WDR59: variants seen among roughly 807,000 people sequenced by gnomAD.
The protein encoded by WDR59 is WD repeat domain 59, also known as GATOR2 complex protein WDR59.
WDR59 carries 100 observed loss-of-function variants against 131.2 expected under a neutral mutation model. The observed-to-expected ratio is 0.76, with a 90% confidence interval of 0.65 to 0.90. The LOEUF is 0.90. WDR59 is among the 40% of genes least tolerant of loss of function. WDR59 has a pLI of 0.00. For synonymous variants in WDR59, 601 were observed against 466.2 expected (o/e 1.29, Z -3.72); for missense variants, 1,203 against 1,262.2 (o/e 0.95, Z 0.71).
intron 11 of WDR59, among the ~76,000 whole-genome samples, chr16:74,917,536 A>C (rs560515722): frequency 6.6e-6 from 1 of 152,182 alleles, no homozygotes; most frequent in African/African-American, 2.4e-5. Context: ...CTGCCGGGGA[A>C]GGTGGCTCAC....
intron 25 of WDR59, among the ~76,000 whole-genome samples, chr16:74,874,645 G>A (rs897770815): frequency 3.3e-5 from 5 of 151,872 alleles, no homozygotes; most frequent in Admixed American, 2.6e-4. Flanking sequence ...ACCCAGGCTC[G>A]AGTGCAATGG....
intron 1 of WDR59, among the ~76,000 whole-genome samples, chr16:74,976,440 CTTTTTTT>C (rs763009590): frequency 7.3e-6 from 1 of 137,450 alleles, no homozygotes; most frequent in East Asian, 2.1e-4. Flanking sequence ...TTTTTCTTTT[CTTTTTTT>C]TTTTTTTTCT....
In WDR59 at chr16:74,977,761, G is replaced by T. The variant is rs369543408; in HGVS notation, c.54+7203C>A. On this transcript the variant is annotated intron_variant, in intron 1 of 25. Coordinates refer to ENST00000262144, the MANE Select transcript of WDR59 (RefSeq NM_030581.4). ...TATCTACTTATAGCAGCTTTCTTCA[G>T]TCACTAAAAACTGGAAAAAAACTAA... Among the ~76,000 whole-genome samples, 23 of 152,294 alleles carry T rather than the reference G, an allele frequency of 1.5e-4. 3 individuals carry two copies. Among genetic ancestry groups the T allele is most frequent in the South Asian group, 1.0e-3 (5 of 4,830 alleles).
Position 74,965,840 on chromosome 16 carries a change from G to A in WDR59, c.55-18C>T. The A allele has an allele frequency of 6.2e-7, 1 of 1,614,040 alleles. No homozygotes were observed. The highest frequency in any genetic ancestry group is 8.5e-7 in the Non-Finnish European group (1 of 1,180,010). ...GCAGTTGCCTGAGAGAGAGAACACA[G>A]AGTCAGTGCTGCCAGCAAACCCAGC... On this transcript the variant is annotated intron_variant, in intron 1 of 25. Transcript: ENST00000262144.
chr16:74,908,457 C>T (rs981970226), intron 17 of WDR59, among the ~76,000 whole-genome samples: 2 of 152,180 alleles, frequency 1.3e-5, no homozygotes, highest in Admixed American at 6.5e-5. Flanking sequence ...TTTGTGTTTT[C>T]ACAATGTACT....
rs1964865155 is a variant in WDR59, at chr16:74,888,223, G to A, written c.2292C>T (p.Pro764=). 3.1e-6 allele frequency: 5 copies of A among 1,613,986 alleles called. No individual in the cohort carries two copies. The African/African-American group carries it at 4.0e-5, about 13-fold the overall frequency. ...AQSRPQGLPN[P]FGPFPNRSSN... Reference sequence around the variant, plus strand: ...AAGAACGGTTAGGAAAAGGCCCAAAGGGGTTTGGTAGCCCCTGAGGCCGAG... The same window carrying A: ...AAGAACGGTTAGGAAAAGGCCCAAAAGGGTTTGGTAGCCCCTGAGGCCGAG... Residue 764 remains proline, a synonymous_variant, in exon 22 of 26, where the codon CCC becomes CCT. Transcript: ENST00000262144.
chr16:74,919,036 GC>G (rs1388666290), intron 10 of WDR59, among the ~76,000 whole-genome samples: 5 of 152,032 alleles, frequency 3.3e-5, no homozygotes, highest in Non-Finnish European at 7.4e-5. Context: ...TTCTCTTCCT[GC>G]CCCTGACTTT....
rs552543659 is a variant in WDR59 at position 74,968,652 on chromosome 16, T to C, written c.55-2830A>G. ...AGGAGGATCGCTTGAACCCAGGAAG[T>C]GGAGGCTGCATGCAGTAAGCTGAGA... On this transcript the variant is annotated intron_variant, in intron 1 of 25. Coordinates refer to ENST00000262144, the MANE Select transcript of WDR59 (RefSeq NM_030581.4). 1.1e-4 allele frequency among the ~76,000 whole-genome samples: 17 copies of C among 152,030 alleles called. No individual in the cohort carries two copies. The South Asian group carries it at 2.3e-3, about 20-fold the overall frequency.
chr16:74,982,746 C>T (rs2034478130), intron 1 of WDR59, among the ~76,000 whole-genome samples: 1 of 152,166 alleles, frequency 6.6e-6, no homozygotes, highest in African/African-American at 2.4e-5. Flanking sequence ...GCTGACAGTA[C>T]TTGGGGGTCC....
At chr16:74,940,768 C>T (rs915603287) in intron 7 of WDR59, among the ~76,000 whole-genome samples, 4 of 151,984 alleles carry the variant, frequency 2.6e-5, no homozygotes, top group Admixed American at 6.5e-5. Context: ...TGCAGTGGCG[C>T]GATCTCGGCT....
At chr16:74,968,021 A>G (rs1018704279) in intron 1 of WDR59, among the ~76,000 whole-genome samples, 4 of 152,326 alleles carry the variant, frequency 2.6e-5, no homozygotes, top group African/African-American at 9.6e-5. Flanking sequence ...GCTCGGAAAC[A>G]TGCTAAGTAG....
chr16:74,951,576 T>G, intron 3 of WDR59, 33 bp from the exon 4 acceptor site: 1 of 1,543,528 alleles, frequency 6.5e-7, no homozygotes, highest in Non-Finnish European at 8.8e-7. Flanking sequence ...CACAGGCAAG[T>G]ATGTTGGGAT....
rs559834095 is a variant in WDR59 at position 74,955,959 on chromosome 16, G to A, written c.240+516C>T. Among the ~76,000 whole-genome samples the A allele has an allele frequency of 6.3e-3, 944 of 149,214 alleles. 8 individuals carry two copies. The highest frequency in any genetic ancestry group is 0.022 in the African/African-American group (904 of 40,758). On this transcript the variant is annotated intron_variant, in intron 3 of 25. Coordinates refer to ENST00000262144, the MANE Select transcript of WDR59 (RefSeq NM_030581.4). Reference sequence around the variant, plus strand: ...AAAACTTATACATGTTTTCCCTAGGGAAAAAAAAAATCACACATAAACAGG... The same window carrying A: ...AAAACTTATACATGTTTTCCCTAGGAAAAAAAAAAATCACACATAAACAGG...
intron 17 of WDR59, 42 bp downstream of exon 17, chr16:74,908,866 G>C: frequency 1.3e-6 from 2 of 1,587,422 alleles, no homozygotes; most frequent in Non-Finnish European, 8.6e-7. Flanking sequence ...GCCACTTCTG[G>C]CCCCGGGAAC....
rs367608941 is a variant in WDR59 at position 74,912,195 on chromosome 16, C to G, written c.1389+3G>C. 8 of 1,614,058 alleles carry G rather than the reference C, an allele frequency of 5.0e-6. No homozygotes were observed. The African/African-American group carries it at 1.1e-4, about 22-fold the overall frequency. On this transcript the variant is annotated splice_donor_region_variant and intron_variant, in intron 14 of 25. Coordinates refer to ENST00000262144, the MANE Select transcript of WDR59 (RefSeq NM_030581.4). ...AGGAGAATTTGGGAACCCAGACCCC[C>G]ACCTTCAGCAGCTTAGCTTTCATGG...
rs1251013963 is a variant in WDR59, at chr16:74,916,272, G to T, written c.967-13C>A. The T allele has an allele frequency of 1.2e-6, 2 of 1,613,572 alleles. No homozygotes were observed. Among genetic ancestry groups the T allele is most frequent in the Admixed American group, 3.3e-5 (2 of 60,012 alleles). ...CATTTGCACAAAGCTGCAACAAAGG[G>T]TAGAAGATGTAGTTCTAGAGAAGTC... On this transcript the variant is annotated splice_polypyrimidine_tract_variant and intron_variant, in intron 11 of 25. Coordinates refer to ENST00000262144, the MANE Select transcript of WDR59 (RefSeq NM_030581.4).
intron 18 of WDR59, among the ~76,000 whole-genome samples, chr16:74,901,876 GC>G (rs35947173): frequency 0.31 from 47,397 of 151,876 alleles, 9,121 homozygotes; most frequent in Non-Finnish European, 0.42. Context: ...TCCCCCCTTG[GC>G]CCCTACATAA....
At chr16:74,955,008 G>T (rs549839630) in intron 3 of WDR59, among the ~76,000 whole-genome samples, 2 of 152,220 alleles carry the variant, frequency 1.3e-5, no homozygotes, top group African/African-American at 2.4e-5. Context: ...GGTTTTACCC[G>T]GGAGGGATAG....
intron 7 of WDR59, among the ~76,000 whole-genome samples, chr16:74,940,894 C>T (rs967397557): frequency 2.0e-5 from 3 of 151,854 alleles, no homozygotes; most frequent in Admixed American, 1.3e-4. Flanking sequence ...TTAGTACAGA[C>T]GGGGTTTCAC....
Sources: allele counts gnomAD v4.1 joint callset (sites outside exome capture counted in the v4.1 genomes callset), GRCh38; gene constraint gnomAD v4.1.1; transcripts MANE v1.5; gene names NCBI Gene and HGNC (gene_info 2026-07-23, HGNC 2026-07-21).